The following KIF19 variants were observed in gnomAD, a reference collection of about 807,000 sequenced individuals.
The protein encoded by KIF19 is kinesin family member 19.
Under a neutral mutation model 106.6 loss-of-function variants are expected in KIF19, and 98 were observed. The observed-to-expected ratio is 0.92, with a 90% CI of 0.78 to 1.09. KIF19 has a LOEUF of 1.09. Among genes scored for constraint, KIF19 ranks in the 50% least tolerant of loss-of-function variants. KIF19 has a pLI of 0.00. For synonymous variants in KIF19, 516 were observed against 584.2 expected, an observed-to-expected ratio of 0.88 and a Z score of 1.68; for missense variants, 1,373 against 1,414.3, an observed-to-expected ratio of 0.97 and a Z score of 0.47.
rs568968006 is a variant in KIF19, at chr17:74,349,018, T to C, written c.1048-166T>C. On this transcript the variant is annotated intron_variant, in intron 9 of 19. Coordinates refer to ENST00000389916, the MANE Select transcript of KIF19 (RefSeq NM_153209.4). ...AGGAAGCCACTGAAGGTTGATGAGA[T>C]CTAGCAGTGAGTGTGACAGGAGGTT... The C allele has an allele frequency of 5.5e-4, 364 of 658,816 alleles. 11 individuals are homozygous for C. Among genetic ancestry groups the C allele is most frequent in the South Asian group, 4.1e-3 (216 of 52,088 alleles). 40.8% of individuals were successfully genotyped at this position (658,816 alleles called of 1,614,324 possible). A position where few individuals can be genotyped will look rare whatever the true frequency, so the allele number is the denominator to read the frequency against.
intron 2 of KIF19, among the ~76,000 whole-genome samples, chr17:74,339,295 C>A (rs2144233412): frequency 6.6e-6 from 1 of 150,882 alleles, no homozygotes; most frequent in Middle Eastern, 3.4e-3. Flanking sequence ...AGGCCCCAGT[C>A]CTGGCTCTGC....
At chr17:74,349,126 C>A in intron 9 of KIF19, 58 bp from the exon 10 acceptor site, 1 of 1,594,942 alleles carries the variant, frequency 6.3e-7, no homozygotes, top group Non-Finnish European at 8.6e-7. Context: ...GCAGGCAGGC[C>A]TCGGTGAGTG....
chr17:74,343,313 G>A (rs1209755409), intron 5 of KIF19, among the ~76,000 whole-genome samples, 153 bp downstream of exon 5: 1 of 152,176 alleles, frequency 6.6e-6, no homozygotes, highest in Non-Finnish European at 1.5e-5. Flanking sequence ...GAGAGGTTAG[G>A]CAACTAGGCC....
chr17:74,345,022 TGG>T, intron 7 of KIF19, 67 bp downstream of exon 7: 1 of 1,432,660 alleles, frequency 7.0e-7, no homozygotes, highest in East Asian at 2.5e-5. Flanking sequence ...AGGGCAGGAA[TGG>T]TGACTCCCAT....
rs201468425 is a variant in KIF19 at position 74,343,173 on chromosome 17, G to T, written c.456+13G>T. On this transcript the variant is annotated intron_variant, in intron 5 of 19. Transcript: ENST00000389916. ...GTCCTACCTGGAGGTGAGTCCCCCA[G>T]CCTAGGCTCAGATGGGGCTGGCCTC... The T allele has an allele frequency of 6.2e-7, 1 of 1,610,964 alleles. No individual in the cohort carries two copies. Among genetic ancestry groups the T allele is most frequent in the Non-Finnish European group, 8.5e-7 (1 of 1,179,410 alleles).
intron 1 of KIF19, among the ~76,000 whole-genome samples, chr17:74,327,750 C>T (rs145915602): frequency 0.053 from 8,147 of 152,294 alleles, 408 homozygotes; most frequent in African/African-American, 0.13. Context: ...GGATTACAGG[C>T]GTGAGCCACC....
Position 74,326,232 on chromosome 17 carries a change from T to C in KIF19, c.-118T>C. 1.1e-6 allele frequency: 1 copy of C among 937,534 alleles called. No individual in the cohort carries two copies. The highest frequency in any genetic ancestry group is 1.7e-5 in the African/African-American group (1 of 58,122). The allele number at this position is 937,534 out of a possible 1,614,324, so 58.1% of individuals were successfully genotyped here. On this transcript the variant is annotated 5_prime_UTR_variant, in exon 1 of 20. Coordinates refer to ENST00000389916, the MANE Select transcript of KIF19 (RefSeq NM_153209.4). The stretch of plus-strand genomic sequence containing the variant: ...CTGGCGCGTTGTTGGTTTCGGGTTG[T>C]CAGGCAGCGCGCGAGGCGGCGGGCA...
chr17:74,342,790 G>T, intron 4 of KIF19, 73 bp downstream of exon 4: 1 of 1,416,634 alleles, frequency 7.1e-7, no homozygotes, highest in South Asian at 1.2e-5. Context: ...CAACTAGTCT[G>T]ACCCCAGCTG....
At chr17:74,339,039 C>A (rs530581042) in intron 2 of KIF19, among the ~76,000 whole-genome samples, 1 of 152,086 alleles carries the variant, frequency 6.6e-6, no homozygotes, top group Non-Finnish European at 1.5e-5. Flanking sequence ...TCCTCAGTAC[C>A]CTGCCCGCTG....
At chr17:74,327,477 G>T (rs920200222) in intron 1 of KIF19, among the ~76,000 whole-genome samples, 5 of 152,124 alleles carry the variant, frequency 3.3e-5, no homozygotes, top group African/African-American at 1.2e-4. Context: ...CTTTTGTTTT[G>T]TTTTGTTTTG....
rs115500074 is a variant in KIF19, at chr17:74,344,757, C to T, written c.583-4C>T. The T allele has an allele frequency of 1.8e-3, 2,967 of 1,604,566 alleles. 45 individuals are homozygous for T. The African/African-American group carries it at 0.034, about 19-fold the overall frequency. ...AAGAGCTGCCTCTCCTCCCTCCCAC[C>T]CAGATCATGCAGCTGCTGATGAAGG... On this transcript the variant is annotated splice_region_variant and splice_polypyrimidine_tract_variant and intron_variant, in intron 6 of 19. Transcript: ENST00000389916.
intron 2 of KIF19, among the ~76,000 whole-genome samples, chr17:74,339,805 G>A (rs2054313690): frequency 1.3e-5 from 2 of 152,210 alleles, no homozygotes; most frequent in Admixed American, 1.3e-4. Context: ...GCACCTCCGC[G>A]GTGCAGTGGT....
chr17:74,342,991 AC>A (rs768751891), intron 4 of KIF19, 32 bp from the exon 5 acceptor site: 2 of 1,133,794 alleles, frequency 1.8e-6, no homozygotes, highest in Admixed American at 2.0e-5. Flanking sequence ...TCCCAGCCCC[AC>A]CCCGGTCACC....
At chr17:74,352,483 C>T in intron 14 of KIF19, 143 bp downstream of exon 14, 1 of 1,128,762 alleles carries the variant, frequency 8.9e-7, no homozygotes, top group Non-Finnish European at 1.2e-6. Context: ...TCCTTCTTAC[C>T]CCACCCAAAG....
Position 74,346,655 on chromosome 17 carries a change from A to C in KIF19, c.924+131A>C. 2 of 792,950 alleles carry C rather than the reference A, an allele frequency of 2.5e-6. No homozygotes were observed. The highest frequency in any genetic ancestry group is 2.0e-6 in the Non-Finnish European group (1 of 501,704). 49.1% of individuals were successfully genotyped at this position (792,950 alleles called of 1,614,324 possible). On this transcript the variant is annotated intron_variant, in intron 8 of 19. Transcript: ENST00000389916. The surrounding 1 kb of genome is among the most constrained non-coding windows in gnomAD (Gnocchi z 4.6). ...CAGCAAAATTTATTTTAGCGTAAAT[A>C]TGTCCCATGAAATATTTGGGATATT...
At chr17:74,339,446 C>T (rs2144234038) in intron 2 of KIF19, among the ~76,000 whole-genome samples, 1 of 151,268 alleles carries the variant, frequency 6.6e-6, no homozygotes, top group East Asian at 1.9e-4. Flanking sequence ...CCCTACCTCC[C>T]TCGCCACCTT....
At position 74,355,361 on chromosome 17, in the gene KIF19, T is replaced by A; in HGVS notation, c.*49T>A. On this transcript the variant is annotated 3_prime_UTR_variant, in exon 20 of 20. Transcript: ENST00000389916. ...TCTCACCTCCCAAGACTGAATGGGG[T>A]CTAGCAGGGCATGGGAGGTGGAGGC... 1 of 1,530,654 alleles carries A rather than the reference T, an allele frequency of 6.5e-7. No individual in the cohort carries two copies. Among genetic ancestry groups the A allele is most frequent in the Non-Finnish European group, 8.8e-7 (1 of 1,139,224 alleles). 94.8% of individuals were successfully genotyped at this position (1,530,654 alleles called of 1,614,324 possible).
At position 74,331,703 on chromosome 17, in the gene KIF19, T is replaced by C. The variant is rs563302699; in HGVS notation, c.120+3198T>C. ...GCGATTCTCCTGCCTCAGCCTCCCA[T>C]GTAGCTGGGATTACGGGCGCGCGCC... On this transcript the variant is annotated intron_variant, in intron 2 of 19. Coordinates refer to ENST00000389916, the MANE Select transcript of KIF19 (RefSeq NM_153209.4). This position sits in a 1 kb window ranked among gnomAD's most constrained non-coding sequence, Gnocchi z 4.1. Among the ~76,000 whole-genome samples, 18 of 151,890 alleles carry C rather than the reference T, an allele frequency of 1.2e-4. No homozygotes were observed. In the South Asian group the frequency reaches 3.3e-3, roughly 28 times the overall value.
rs2054821745 is a variant in KIF19, at chr17:74,354,536, T to A, written c.2683T>A (p.Ser895Thr). ...AAAGAGAAGGAAGCGGAGGTCCCGA[T>A]CCTTCGAGGTCACCGGGCAAGGGGT... ...EAKRRKRRSR[S>T]FEVTGQGLSH... Residue 895 changes from serine (S) to threonine (T), a missense_variant, in exon 18 of 20, where the codon TCC becomes ACC. By Grantham distance (58) the Ser-to-Thr change is moderately conservative. Around this residue, in one of 3 missense-constraint regions of KIF19, gnomAD observed 1,020 missense variants for 1,008.2 expected, o/e 1.01. Coordinates refer to ENST00000389916, the MANE Select transcript of KIF19 (RefSeq NM_153209.4). The A allele has an allele frequency of 6.3e-7, 1 of 1,598,604 alleles. No individual in the cohort carries two copies. Among genetic ancestry groups the A allele is most frequent in the Admixed American group, 1.7e-5 (1 of 57,604 alleles).
Sources: allele counts gnomAD v4.1 joint callset (sites outside exome capture counted in the v4.1 genomes callset), GRCh38; gene constraint gnomAD v4.1.1; regional missense constraint gnomAD v4.1.1; non-coding constraint Gnocchi (gnomAD v3.1); transcripts MANE v1.5; gene names NCBI Gene and HGNC (gene_info 2026-07-23, HGNC 2026-07-21).